Variants in SETBP1 observed in about 807,000 individuals in gnomAD.
SETBP1 encodes SET binding protein 1, also known as SET-binding protein.
In SETBP1, 9 loss-of-function variants were observed where a neutral mutation model predicts 101.0. That is an observed-to-expected ratio of 0.09 (90% CI 0.05 to 0.16). The LOEUF (loss-of-function observed/expected upper bound fraction) is 0.16, where lower values mean the gene tolerates loss of function less well. SETBP1 is among the 10% of genes least tolerant of loss of function. SETBP1 has a pLI of 1.00. For synonymous variants in SETBP1, 818 were observed against 788.5 expected (o/e 1.04, Z -0.63); for missense variants, 1,858 against 2,033.8 (o/e 0.91, Z 1.66).
chr18:44,899,405 A>G (rs1016585693), intron 3 of SETBP1, among the ~76,000 whole-genome samples: 2 of 152,200 alleles, frequency 1.3e-5, no homozygotes, highest in Non-Finnish European at 2.9e-5. Context: ...ATTTAACAAG[A>G]AAGGAAGGCA....
intron 2 of SETBP1, among the ~76,000 whole-genome samples, chr18:44,749,180 C>A (rs1446310574): frequency 6.6e-6 from 1 of 152,200 alleles, no homozygotes; most frequent in African/African-American, 2.4e-5. Context: ...CTTATGACCT[C>A]CTCTGCAGCA....
intron 5 of SETBP1, among the ~76,000 whole-genome samples, chr18:45,051,717 T>C (rs1222194543): frequency 6.6e-6 from 1 of 152,238 alleles, no homozygotes; most frequent in Non-Finnish European, 1.5e-5. Context: ...ACATCCTTAA[T>C]GTCCTTAAAT....
chr18:44,931,615 G>C (rs940955957), intron 3 of SETBP1, among the ~76,000 whole-genome samples: 1 of 152,170 alleles, frequency 6.6e-6, no homozygotes, highest in Non-Finnish European at 1.5e-5. Flanking sequence ...TTATGAAGCT[G>C]GGTGCTCCTG....
At chr18:44,962,055 G>C (rs749024103) in intron 4 of SETBP1, among the ~76,000 whole-genome samples, 4 of 152,160 alleles carry the variant, frequency 2.6e-5, no homozygotes, top group Non-Finnish European at 5.9e-5. Context: ...TAGTGCCAGG[G>C]ACAATTAGGG....
chr18:44,862,198 T>A (rs2069029731), intron 2 of SETBP1, among the ~76,000 whole-genome samples: 1 of 152,236 alleles, frequency 6.6e-6, no homozygotes, highest in Non-Finnish European at 1.5e-5. Context: ...TGGGGGATTT[T>A]GTTAAAGATC....
chr18:44,749,114 C>T (rs1282181831), intron 2 of SETBP1, among the ~76,000 whole-genome samples: 2 of 152,202 alleles, frequency 1.3e-5, no homozygotes, highest in African/African-American at 4.8e-5. Flanking sequence ...TCCAAGCCTT[C>T]TTCCCCCTTT....
At chr18:45,043,282 A>G (rs2073544791) in intron 5 of SETBP1, among the ~76,000 whole-genome samples, 1 of 152,154 alleles carries the variant, frequency 6.6e-6, no homozygotes, top group Non-Finnish European at 1.5e-5. Context: ...CATCAAGGCA[A>G]CAAAATCTGT....
At chr18:44,770,974 A>T (rs1447261583) in intron 2 of SETBP1, among the ~76,000 whole-genome samples, 1 of 152,090 alleles carries the variant, frequency 6.6e-6, no homozygotes, top group Non-Finnish European at 1.5e-5. Flanking sequence ...CATCATGGCC[A>T]TCACAGTGGC....
At chr18:44,930,430 T>A (rs1384544095) in intron 3 of SETBP1, among the ~76,000 whole-genome samples, 1 of 152,204 alleles carries the variant, frequency 6.6e-6, no homozygotes, top group Non-Finnish European at 1.5e-5. Context: ...GGCTTTGGTA[T>A]CAGGATGATG....
chr18:44,990,927 G>GAAA (rs996043221), intron 4 of SETBP1, among the ~76,000 whole-genome samples: 10 of 63,186 alleles, frequency 1.6e-4, no homozygotes, highest in African/African-American at 4.4e-4. Flanking sequence ...CAGAGAGAGA[G>GAAA]AAAAAAAAAA....
chr18:44,843,009 T>G (rs1413923584), intron 2 of SETBP1, among the ~76,000 whole-genome samples: 1 of 152,224 alleles, frequency 6.6e-6, no homozygotes, highest in Admixed American at 6.5e-5. Flanking sequence ...TGACAGCTGG[T>G]CAACCAAAGA....
At chr18:44,931,352 C>T (rs111424807) in intron 3 of SETBP1, among the ~76,000 whole-genome samples, 18,512 of 152,214 alleles carry the variant, frequency 0.12, 1,367 homozygotes, top group East Asian at 0.31. Context: ...GAGTGCTTTA[C>T]TTCCAACTGT....
chr18:44,693,208 GTGTC>G (rs1270528350), intron 1 of SETBP1, among the ~76,000 whole-genome samples: 1 of 152,114 alleles, frequency 6.6e-6, no homozygotes, highest in African/African-American at 2.4e-5. Flanking sequence ...GAGTCAAGTG[GTGTC>G]TGTCTGGCCT....
intron 2 of SETBP1, among the ~76,000 whole-genome samples, chr18:44,829,318 C>T (rs566368961): frequency 2.0e-5 from 3 of 152,074 alleles, no homozygotes; most frequent in East Asian, 3.9e-4. Context: ...ATTGCATTGA[C>T]GCCTGTGAAT....
At chr18:44,813,886 C>A (rs950445731) in intron 2 of SETBP1, among the ~76,000 whole-genome samples, 11 of 152,196 alleles carry the variant, frequency 7.2e-5, no homozygotes, top group African/African-American at 2.7e-4. Context: ...AACCCTGGAA[C>A]CTCCAAATCT....
chr18:45,044,171 A>T (rs1308524665), intron 5 of SETBP1, among the ~76,000 whole-genome samples: 1 of 152,268 alleles, frequency 6.6e-6, no homozygotes. Context: ...GATTTGGAAC[A>T]TCCAGGGACC....
At chr18:44,999,161 G>C (rs559777252) in intron 4 of SETBP1, among the ~76,000 whole-genome samples, 1 of 151,974 alleles carries the variant, frequency 6.6e-6, no homozygotes, top group Non-Finnish European at 1.5e-5. Flanking sequence ...TCACGTATGT[G>C]TGATTCCAAG....
rs1352732974 is a variant in SETBP1, at chr18:45,066,888, G to A, written c.*3190G>A. The stretch of plus-strand genomic sequence containing the variant: ...ATCTAGATACAAAAGTCACCTTGAA[G>A]GTGATGATGGATCTTTAATCCACTT... On this transcript the variant is annotated 3_prime_UTR_variant, in exon 6 of 6. Coordinates refer to ENST00000649279, the MANE Select transcript of SETBP1 (RefSeq NM_015559.3). 6.6e-6 allele frequency: 1 copy of A among 152,156 alleles called. No individual in the cohort carries two copies. The highest frequency in any genetic ancestry group is 1.5e-5 in the Non-Finnish European group (1 of 68,032). The allele number at this position is 152,156 out of a possible 1,614,324, so 9.4% of individuals were successfully genotyped here.
intron 2 of SETBP1, among the ~76,000 whole-genome samples, chr18:44,840,878 C>A (rs963094465): frequency 6.6e-6 from 1 of 152,154 alleles, no homozygotes; most frequent in Admixed American, 6.5e-5. Context: ...TGGAATAGGT[C>A]CTGAGTATTA....
Sources: gnomAD v4.1 joint callset for allele counts (sites outside exome capture counted in the v4.1 genomes callset) on GRCh38, gnomAD v4.1.1 for gene constraint, MANE v1.5 for transcripts, NCBI Gene and HGNC (gene_info 2026-07-23, HGNC 2026-07-21) for gene names.